The following MARCHF1 variants were observed in gnomAD, a reference collection of about 807,000 sequenced individuals.
MARCHF1 encodes the protein membrane associated ring-CH-type finger 1.
A neutral mutation model predicts 54.2 loss-of-function variants in MARCHF1; 40 were observed. That is an observed-to-expected ratio of 0.74 (90% confidence interval 0.57 to 0.96). The LOEUF (loss-of-function observed/expected upper bound fraction) is 0.96, where lower values mean the gene tolerates loss of function less well. Among genes scored for constraint, MARCHF1 ranks in the 40% least tolerant of loss-of-function variants. The pLI is 0.00. For missense variants in MARCHF1, 586 were observed against 656.5 expected (o/e 0.89, Z 1.17); for synonymous variants, 236 against 236.3 (o/e 1.00, Z 0.01).
intron 1 of MARCHF1, among the ~76,000 whole-genome samples, chr4:164,273,788 G>T (rs1733801884): frequency 1.3e-5 from 2 of 152,228 alleles, no homozygotes; most frequent in South Asian, 2.1e-4. Context: ...AAACTCCATT[G>T]GTGGTGTTTT....
At chr4:164,112,926 TTAAA>T (rs1027496406) in intron 1 of MARCHF1, among the ~76,000 whole-genome samples, 12 of 149,518 alleles carry the variant, frequency 8.0e-5, no homozygotes, top group African/African-American at 2.8e-4. Context: ...ATTACAATTT[TTAAA>T]TAAATTATGT....
intron 3 of MARCHF1, chr4:163,933,196 C>G: frequency 1.4e-6 from 1 of 737,898 alleles, no homozygotes; most frequent in South Asian, 1.3e-5. Context: ...CAACCTAACA[C>G]TATGGACCTC....
At chr4:164,212,493 AT>A (rs1298954109) in intron 1 of MARCHF1, among the ~76,000 whole-genome samples, 2 of 152,068 alleles carry the variant, frequency 1.3e-5, no homozygotes, top group African/African-American at 4.8e-5. Flanking sequence ...TTTAAAGTAT[AT>A]TTTCTGTTTT....
chr4:163,967,806 C>T (rs1752473762), intron 3 of MARCHF1, among the ~76,000 whole-genome samples: 1 of 152,036 alleles, frequency 6.6e-6, no homozygotes, highest in Non-Finnish European at 1.5e-5. Context: ...GGCTCGAGGC[C>T]CAGGAGAGCT....
At chr4:163,626,113 C>G (rs1170394956) in intron 5 of MARCHF1, among the ~76,000 whole-genome samples, 1 of 152,180 alleles carries the variant, frequency 6.6e-6, no homozygotes, top group Non-Finnish European at 1.5e-5. Context: ...TTACATTGTA[C>G]AGTGCATTCA....
chr4:164,244,802 A>G (rs1732888194), intron 1 of MARCHF1, among the ~76,000 whole-genome samples: 1 of 152,172 alleles, frequency 6.6e-6, no homozygotes, highest in African/African-American at 2.4e-5. Flanking sequence ...CAGAAATACA[A>G]AGTACCATCA....
intron 8 of MARCHF1, among the ~76,000 whole-genome samples, chr4:163,550,297 A>G (rs1399132770): frequency 2.7e-5 from 4 of 145,882 alleles, no homozygotes; most frequent in Non-Finnish European, 4.4e-5. Flanking sequence ...AAAAAAAAAA[A>G]AAAGAAAAGA....
At chr4:164,167,246 C>A (rs561160759) in intron 1 of MARCHF1, among the ~76,000 whole-genome samples, 5 of 151,718 alleles carry the variant, frequency 3.3e-5, no homozygotes, top group Non-Finnish European at 5.9e-5. Flanking sequence ...AAATTCTTGA[C>A]CATAGTGAGA....
At chr4:163,931,289 T>C (rs1369572008) in intron 3 of MARCHF1, among the ~76,000 whole-genome samples, 1 of 152,156 alleles carries the variant, frequency 6.6e-6, no homozygotes, top group Non-Finnish European at 1.5e-5. Flanking sequence ...AAGTGTTTTT[T>C]GGGTAATATT....
At chr4:164,154,497 T>C (rs767331973) in intron 1 of MARCHF1, among the ~76,000 whole-genome samples, 32 of 152,220 alleles carry the variant, frequency 2.1e-4, no homozygotes, top group Non-Finnish European at 4.1e-4. Flanking sequence ...GTACTCATTG[T>C]GAAACAGGAG....
intron 3 of MARCHF1, among the ~76,000 whole-genome samples, chr4:163,895,319 A>G (rs1342385423): frequency 6.6e-6 from 1 of 152,208 alleles, no homozygotes; most frequent in Non-Finnish European, 1.5e-5. Context: ...CAAAATGCCA[A>G]TTAAACCCTC....
At chr4:163,584,387 A>T (rs752841245) in intron 8 of MARCHF1, 15 of 152,200 alleles carry the variant, frequency 9.9e-5, no homozygotes, top group Non-Finnish European at 1.9e-4. Flanking sequence ...GAACTAAGAA[A>T]AAACATTTGG....
chr4:163,612,367 C>T lies in MARCHF1; in HGVS notation c.914G>A (p.Ser305Asn), dbSNP rs1348138257. 7 of 1,535,276 alleles carry T rather than the reference C, an allele frequency of 4.6e-6. No individual in the cohort carries two copies. Among genetic ancestry groups the T allele is most frequent in the African/African-American group, 1.4e-5 (1 of 72,964 alleles). ...STEILGVPEG[S>N]KDMNDAGLQV... ...GAGCCCTGCATCATTCATGTCCTTG[C>T]TGCCTTCTGGAACTCCCAGTATTTC... Residue 305 changes from serine to asparagine, a missense_variant, in exon 7 of 10, where the codon AGC (serine) becomes AAC (asparagine). Around this residue, in one of 3 missense-constraint regions of MARCHF1, gnomAD observed 387 missense variants for 394.6 expected, o/e 0.98. Coordinates refer to ENST00000514618, the MANE Select transcript of MARCHF1 (RefSeq NM_001394959.1).
At chr4:163,927,874 T>C (rs956510463) in intron 3 of MARCHF1, among the ~76,000 whole-genome samples, 6 of 152,010 alleles carry the variant, frequency 3.9e-5, no homozygotes, top group African/African-American at 1.4e-4. Context: ...CGGAGCTTCA[T>C]GAGCAAGGGG....
intron 2 of MARCHF1, among the ~76,000 whole-genome samples, chr4:164,009,668 T>A (rs1753375546): frequency 6.6e-6 from 1 of 152,102 alleles, no homozygotes; most frequent in Non-Finnish European, 1.5e-5. Flanking sequence ...ATACATCACA[T>A]TAACAGAATC....
chr4:163,596,395 C>T (rs1740771187), intron 7 of MARCHF1, among the ~76,000 whole-genome samples: 1 of 151,920 alleles, frequency 6.6e-6, no homozygotes, highest in African/African-American at 2.4e-5. Flanking sequence ...CAAAAATTAG[C>T]CAGGCATGGT....
intron 1 of MARCHF1, among the ~76,000 whole-genome samples, chr4:164,273,389 T>C (rs1420165596): frequency 6.6e-6 from 1 of 152,126 alleles, no homozygotes; most frequent in African/African-American, 2.4e-5. Context: ...ACCTGGTCTC[T>C]CCCTTGACAT....
chr4:163,573,419 G>A (rs753872425), intron 8 of MARCHF1, among the ~76,000 whole-genome samples: 11 of 150,196 alleles, frequency 7.3e-5, no homozygotes, highest in Non-Finnish European at 1.3e-4. Flanking sequence ...CCACTAACTC[G>A]TCATCTAGCA....
chr4:164,382,782 A>G (rs1731411360), intron 1 of MARCHF1, among the ~76,000 whole-genome samples: 1 of 152,202 alleles, frequency 6.6e-6, no homozygotes, highest in Non-Finnish European at 1.5e-5. Flanking sequence ...TGTTGGCTAT[A>G]TAGCACTTAT....
Sources: allele counts gnomAD v4.1 joint callset (sites outside exome capture counted in the v4.1 genomes callset), GRCh38; gene constraint gnomAD v4.1.1; regional missense constraint gnomAD v4.1.1; transcripts MANE v1.5; gene names NCBI Gene and HGNC (gene_info 2026-07-23, HGNC 2026-07-21).